Variants in HTR3B observed in about 807,000 individuals in gnomAD.
HTR3B encodes the protein 5-hydroxytryptamine (serotonin) receptor 3B, ionotropic.
Under a neutral mutation model 42.8 loss-of-function variants are expected in HTR3B, and 44 were observed. The observed-to-expected ratio is 1.03, with a 90% CI of 0.81 to 1.32. The LOEUF (loss-of-function observed/expected upper bound fraction) is 1.32. HTR3B is among the 40% of genes most tolerant of loss of function. HTR3B has a pLI of 0.00. For missense variants in HTR3B, 527 were observed against 536.5 expected (o/e 0.98, Z 0.17); for synonymous variants, 203 against 209.0 (o/e 0.97, Z 0.25).
intron 2 of HTR3B, among the ~76,000 whole-genome samples, chr11:113,928,876 A>G (rs1950003129): frequency 6.6e-6 from 1 of 152,172 alleles, no homozygotes; most frequent in Admixed American, 6.5e-5. Flanking sequence ...TAATATTCTA[A>G]TTTATGTATA....
intron 6 of HTR3B, among the ~76,000 whole-genome samples, chr11:113,940,937 C>T (rs1157220865): frequency 4.6e-5 from 7 of 152,306 alleles, no homozygotes; most frequent in Non-Finnish European, 4.4e-5. Context: ...TATCTTGTCC[C>T]GGGAAAAAGC....
At chr11:113,914,464 CAA>C (rs1447461255) in intron 2 of HTR3B, among the ~76,000 whole-genome samples, 1 of 137,900 alleles carries the variant, frequency 7.3e-6, no homozygotes. Flanking sequence ...TACTCCAACT[CAA>C]AAAAAAAAAA....
At position 113,944,474 on chromosome 11, in the gene HTR3B, T is replaced by A. The variant is rs1565568934; in HGVS notation, c.908-99T>A. 3 of 1,117,320 alleles carry A rather than the reference T, an allele frequency of 2.7e-6. No individual in the cohort carries two copies. The East Asian group carries it at 7.2e-5, about 27-fold the overall frequency. 69.2% of individuals were successfully genotyped at this position (1,117,320 alleles called of 1,614,324 possible). ...CATGATTGCACCACTGCACTCCAGCTTGGGCAATAGAGCAAGACCCTGTCC... is the reference window on the plus strand; with the variant it reads ...CATGATTGCACCACTGCACTCCAGCATGGGCAATAGAGCAAGACCCTGTCC... On this transcript the variant is annotated intron_variant, in intron 7 of 8. Coordinates refer to ENST00000260191, the MANE Select transcript of HTR3B (RefSeq NM_006028.5).
At chr11:113,921,427 A>G (rs1313803574) in intron 2 of HTR3B, among the ~76,000 whole-genome samples, 1 of 152,092 alleles carries the variant, frequency 6.6e-6, no homozygotes, top group East Asian at 1.9e-4. Context: ...TACAAGTGTG[A>G]GCCACTGCAC....
At chr11:113,918,436 C>A (rs993110434) in intron 2 of HTR3B, among the ~76,000 whole-genome samples, 1 of 152,012 alleles carries the variant, frequency 6.6e-6, no homozygotes, top group African/African-American at 2.4e-5. Context: ...ACTCCTAACC[C>A]CTGGCAACCA....
At chr11:113,918,096 T>C (rs1277305855) in intron 2 of HTR3B, among the ~76,000 whole-genome samples, 1 of 152,176 alleles carries the variant, frequency 6.6e-6, no homozygotes, top group Non-Finnish European at 1.5e-5. Context: ...TAACAATATA[T>C]AGTTAGGTAC....
upstream of HTR3B, among the ~76,000 whole-genome samples, chr11:113,902,893 G>A (rs1350737611): frequency 6.6e-6 from 1 of 151,968 alleles, no homozygotes; most frequent in East Asian, 1.9e-4. Context: ...TTTTGAGACA[G>A]GGTCTACCTC....
intron 2 of HTR3B, among the ~76,000 whole-genome samples, chr11:113,921,440 G>A (rs541075186): frequency 2.6e-5 from 4 of 152,030 alleles, no homozygotes; most frequent in African/African-American, 4.8e-5. Flanking sequence ...CACTGCACCC[G>A]GCCCCTTCGT....
At position 113,932,184 on chromosome 11, in the gene HTR3B, A is replaced by G; in HGVS notation, c.369-105A>G. 3 of 892,992 alleles carry G rather than the reference A, an allele frequency of 3.4e-6. No homozygotes were observed. The South Asian group carries it at 4.8e-5, about 14-fold the overall frequency. 55.3% of individuals were successfully genotyped at this position (892,992 alleles called of 1,614,324 possible). On this transcript the variant is annotated intron_variant, in intron 4 of 8. Transcript: ENST00000260191. Reference sequence around the variant, plus strand: ...AAATGCGATTCTGTTTTGCAGGGCTAGGCTGGTCCTGGACCTCATGGTCAC... The same window carrying G: ...AAATGCGATTCTGTTTTGCAGGGCTGGGCTGGTCCTGGACCTCATGGTCAC...
At chr11:113,899,873 T>C (rs1033436539), upstream of HTR3B, among the ~76,000 whole-genome samples, 8 of 152,334 alleles carry the variant, frequency 5.3e-5, no homozygotes, top group African/African-American at 1.9e-4. Flanking sequence ...TTTCAGGTAC[T>C]TTCTTAATGA....
intron 6 of HTR3B, among the ~76,000 whole-genome samples, chr11:113,941,196 G>C (rs768902093): frequency 1.3e-5 from 2 of 152,162 alleles, no homozygotes; most frequent in Admixed American, 1.3e-4. Flanking sequence ...TGTCATTTTT[G>C]TCCAAATCCA....
At chr11:113,907,196 GT>G (rs1949740605) in intron 1 of HTR3B, among the ~76,000 whole-genome samples, 2 of 152,194 alleles carry the variant, frequency 1.3e-5, no homozygotes, top group Non-Finnish European at 2.9e-5. Context: ...AATCTTACAA[GT>G]GAATCATTTG....
chr11:113,912,459 G>A (rs535275100), intron 2 of HTR3B, among the ~76,000 whole-genome samples: 2 of 152,226 alleles, frequency 1.3e-5, no homozygotes, highest in East Asian at 3.9e-4. Context: ...TAGCCAGGAT[G>A]GTCTCGATCT....
At chr11:113,913,162 T>C (rs1373592494) in intron 2 of HTR3B, among the ~76,000 whole-genome samples, 1 of 150,894 alleles carries the variant, frequency 6.6e-6, no homozygotes, top group Admixed American at 6.6e-5. Flanking sequence ...TAGTTTGTTA[T>C]GGTTTGAATG....
chr11:113,901,447 A>G (rs76277999), upstream of HTR3B, among the ~76,000 whole-genome samples: 14 of 125,788 alleles, frequency 1.1e-4, no homozygotes, highest in East Asian at 2.4e-4. Flanking sequence ...CCTCTTAGGG[A>G]AAAAAAAAAA....
At position 113,936,198 on chromosome 11, in the gene HTR3B, C is replaced by T. The variant is rs554116797; in HGVS notation, c.696+3105C>T. Among the ~76,000 whole-genome samples, 316 of 151,594 alleles carry T rather than the reference C, an allele frequency of 2.1e-3. 1 individual carries two copies. Among genetic ancestry groups the T allele is most frequent in the African/African-American group, 7.4e-3 (307 of 41,358 alleles). On this transcript the variant is annotated intron_variant, in intron 6 of 8. Transcript: ENST00000260191. The stretch of plus-strand genomic sequence containing the variant: ...GATTTTGCATGGCAGTGGTTTTTTT[C>T]TTTTTTTTCTTTAAAGAATGAGGGT...
At chr11:113,912,419 A>G (rs1232621103) in intron 2 of HTR3B, among the ~76,000 whole-genome samples, 3 of 151,832 alleles carry the variant, frequency 2.0e-5, no homozygotes, top group African/African-American at 7.3e-5. Context: ...AATTTTTTGT[A>G]TTTTTAGTAG....
At chr11:113,945,530 C>G (rs1950169907) in intron 8 of HTR3B, among the ~76,000 whole-genome samples, 1 of 152,224 alleles carries the variant, frequency 6.6e-6, no homozygotes, top group Admixed American at 6.5e-5. Context: ...CACGTGCACA[C>G]ATGCATACAA....
intron 6 of HTR3B, among the ~76,000 whole-genome samples, chr11:113,934,630 G>A (rs45438696): frequency 0.09 from 13,739 of 151,954 alleles, 778 homozygotes; most frequent in Middle Eastern, 0.16. Flanking sequence ...TAGTATAATC[G>A]CAACTCATAC....
Sources: gnomAD v4.1 joint callset for allele counts (sites outside exome capture counted in the v4.1 genomes callset) on GRCh38, gnomAD v4.1.1 for gene constraint, MANE v1.5 for transcripts, NCBI Gene and HGNC (gene_info 2026-07-23, HGNC 2026-07-21) for gene names.